MIOS: variants seen among roughly 807,000 people sequenced by gnomAD.
MIOS encodes GATOR2 complex protein MIOS.
A neutral mutation model predicts 96.9 loss-of-function variants in MIOS; 52 were observed. The observed-to-expected ratio is 0.54, with a 90% CI of 0.43 to 0.68. The LOEUF is 0.68. MIOS is among the 30% of genes least tolerant of loss of function. The probability of loss-of-function intolerance (pLI) is 0.00; values close to 1 mark genes in which losing one functional copy is unlikely to be tolerated. For missense variants in MIOS, 1,005 were observed against 1,052.8 expected, an observed-to-expected ratio of 0.95 and a Z score of 0.63; for synonymous variants, 397 against 359.5, an observed-to-expected ratio of 1.10 and a Z score of -1.18.
At chr7:7,571,788 T>A (rs1783363727) in intron 3 of MIOS, among the ~76,000 whole-genome samples, 1 of 152,234 alleles carries the variant, frequency 6.6e-6, no homozygotes, top group Admixed American at 6.5e-5. Context: ...TATTCTGCCA[T>A]ACAAGGCTGA....
rs1018441966 is a variant in MIOS, at chr7:7,606,928, T to C, written c.2532-68T>C. 5 of 1,179,856 alleles carry C rather than the reference T, an allele frequency of 4.2e-6. No individual in the cohort carries two copies. In the Admixed American group the frequency reaches 6.3e-5, roughly 15 times the overall value. The allele number at this position is 1,179,856 out of a possible 1,614,324, so 73.1% of individuals were successfully genotyped here. A position where few individuals can be genotyped will look rare whatever the true frequency, so the allele number is the denominator to read the frequency against. ...TAGGGAGACCCTGTCTCTTAAAAAA[T>C]AAATAAATAAATAAATGTATGTCTG... On this transcript the variant is annotated intron_variant, in intron 12 of 12. Coordinates refer to ENST00000340080, the MANE Select transcript of MIOS (RefSeq NM_019005.4).
intron 5 of MIOS, among the ~76,000 whole-genome samples, chr7:7,577,425 A>G (rs1339100866): frequency 6.6e-6 from 1 of 152,168 alleles, no homozygotes; most frequent in Non-Finnish European, 1.5e-5. Flanking sequence ...TTTTGAAGGA[A>G]TTTGACTATA....
rs566837580 is a variant in MIOS, at chr7:7,591,579, C to T, written c.2043+2016C>T. On this transcript the variant is annotated intron_variant, in intron 9 of 12. Transcript: ENST00000340080. ...ACAGGCATGAGCCACCACGCCCAGC[C>T]TAAATTCTGATTTTTAATGTTTAAG... Among the ~76,000 whole-genome samples, 8 of 152,124 alleles carry T rather than the reference C, an allele frequency of 5.3e-5. No homozygotes were observed. In the South Asian group the frequency reaches 1.7e-3, roughly 32 times the overall value.
At chr7:7,600,411 C>T (rs534745282) in intron 11 of MIOS, among the ~76,000 whole-genome samples, 3 of 151,924 alleles carry the variant, frequency 2.0e-5, no homozygotes, top group South Asian at 2.1e-4. Context: ...AAAAGGCAGG[C>T]GTTGCAATCC....
Position 7,572,777 on chromosome 7 carries a change from A to G in MIOS, c.302A>G (p.Lys101Arg), listed in dbSNP as rs759284330. 28 of 1,614,014 alleles carry G rather than the reference A, an allele frequency of 1.7e-5. No homozygotes were observed. Among genetic ancestry groups the G allele is most frequent in the African/African-American group, 4.0e-5 (3 of 74,928 alleles). The change falls in exon 4 of 13, where the codon AAA becomes AGA. Residue 101 changes from lysine (K) to arginine (R), a missense_variant. Lys to Arg is a conservative substitution (Grantham distance 26, BLOSUM62 2). Around this residue, in one of 3 missense-constraint regions of MIOS, gnomAD observed 137 missense variants for 148.6 expected, o/e 0.92. Transcript: ENST00000340080. This position sits in a 1 kb window ranked among gnomAD's most constrained non-coding sequence, Gnocchi z 4.8. ...SLGQDHNSKF[K>R]DLIGKEFVPK... ...GGTCAAGATCATAACTCAAAGTTCA[A>G]AGATTTGATAGGAAAAGAGTTTGTT...
intron 9 of MIOS, among the ~76,000 whole-genome samples, chr7:7,591,530 C>G (rs550601877): frequency 7.0e-4 from 106 of 152,020 alleles, no homozygotes; most frequent in African/African-American, 2.5e-3. Context: ...TCTGCCCGCC[C>G]CGGCCTCCGA....
chr7:7,605,740 T>G, intron 11 of MIOS: 1 of 452,268 alleles, frequency 2.2e-6, no homozygotes. Context: ...TTTTTTTCCA[T>G]TTTTATATTG....
At chr7:7,579,969 A>G (rs985706584) in intron 5 of MIOS, among the ~76,000 whole-genome samples, 1 of 152,064 alleles carries the variant, frequency 6.6e-6, no homozygotes, top group Non-Finnish European at 1.5e-5. Context: ...TAAAATAAAA[A>G]CTCTTTGAGA....
Position 7,605,998 on chromosome 7 carries a change from T to C in MIOS, c.2458T>C (p.Phe820Leu). The change falls in exon 12 of 13, where the codon TTT becomes CTT. Residue 820 changes from phenylalanine to leucine, a missense_variant. By Grantham distance (22) the Phe-to-Leu change is conservative. Around this residue, in one of 3 missense-constraint regions of MIOS, gnomAD observed 865 missense variants for 887.9 expected, o/e 0.97. Coordinates refer to ENST00000340080, the MANE Select transcript of MIOS (RefSeq NM_019005.4). ...DLSKDKKLAQ[F>L]NNWFTWCHNC... ...GAGCAAGGACAAAAAATTAGCCCAA[T>C]TTAACAACTGGTTTACATGGTGTCA... 6.2e-7 allele frequency: 1 copy of C among 1,613,982 alleles called. No homozygotes were observed. The highest frequency in any genetic ancestry group is 8.5e-7 in the Non-Finnish European group (1 of 1,179,894).
At chr7:7,599,395 A>G (rs984652723) in intron 11 of MIOS, among the ~76,000 whole-genome samples, 1 of 152,208 alleles carries the variant, frequency 6.6e-6, no homozygotes, top group Non-Finnish European at 1.5e-5. Flanking sequence ...TAAACCCCCA[A>G]CATGAATTAG....
Position 7,589,560 on chromosome 7 carries a change from A to G in MIOS, c.2040A>G (p.Leu680=), listed in dbSNP as rs1312921197. ...TTCAAACAGCAAGTTACTGTATGTT[A>G]CAGGTCAGTGCAGTTTGACAGCAGC... ...GDVQTASYCM[L]QGSPLDVLKD... The change falls in exon 9 of 13, where the codon TTA becomes TTG. Residue 680 remains leucine (L), a synonymous_variant. Transcript: ENST00000340080. 6.2e-7 allele frequency: 1 copy of G among 1,607,152 alleles called. No homozygotes were observed. Among genetic ancestry groups the G allele is most frequent in the South Asian group, 1.1e-5 (1 of 89,710 alleles).
In MIOS at chr7:7,574,148, G is replaced by T; in HGVS notation, c.1345G>T (p.Gly449Ter). ...DMDQKSPGNK[G>*]SLVYAGIKSI... ...GGATCAGAAATCTCCAGGCAACAAA[G>T]GATCATTGGTTTATGCAGGAATTAA... Residue 449 changes from glycine to a stop codon, truncating the protein, a stop_gained, in exon 5 of 13, where the codon GGA (glycine) becomes TGA (stop). Transcript: ENST00000340080. LOFTEE classifies it high-confidence loss of function. The T allele has an allele frequency of 6.2e-7, 1 of 1,610,658 alleles. No individual in the cohort carries two copies. The highest frequency in any genetic ancestry group is 8.5e-7 in the Non-Finnish European group (1 of 1,178,222).
At chr7:7,590,145 A>T (rs1454969178) in intron 9 of MIOS, among the ~76,000 whole-genome samples, 1 of 152,164 alleles carries the variant, frequency 6.6e-6, no homozygotes, top group African/African-American at 2.4e-5. Context: ...AGTTGATCTT[A>T]TCCTTACATG....
At chr7:7,605,774 T>C (rs1053743255) in intron 11 of MIOS, 168 bp from the exon 12 acceptor site, 1 of 544,110 alleles carries the variant, frequency 1.8e-6, no homozygotes, top group African/African-American at 1.9e-5. Context: ...TAGGGGAGCT[T>C]CTGTCATTCA....
At chr7:7,586,158 G>GTGTA (rs1012183759) in intron 7 of MIOS, among the ~76,000 whole-genome samples, 10 of 454 alleles carry the variant, frequency 0.022, no homozygotes, top group African/African-American at 0.044. Flanking sequence ...ACATGCACGT[G>GTGTA]TGTGTGTGTG....
Position 7,607,320 on chromosome 7 carries a change from G to T in MIOS, c.*228G>T. 2.9e-6 allele frequency: 1 copy of T among 346,698 alleles called. No homozygotes were observed. 21.5% of individuals were successfully genotyped at this position (346,698 alleles called of 1,614,324 possible). ...GTATAGACATGAGTTCTGTTCAGCA[G>T]GTTGAAAAGTCTGATTTAGAAAAAC... is the stretch of plus-strand genomic sequence containing the variant. On this transcript the variant is annotated 3_prime_UTR_variant, in exon 13 of 13. Coordinates refer to ENST00000340080, the MANE Select transcript of MIOS (RefSeq NM_019005.4).
Position 7,573,007 on chromosome 7 carries a change from C to T in MIOS, c.532C>T (p.Leu178Phe). 1 of 1,614,072 alleles carries T rather than the reference C, an allele frequency of 6.2e-7. No homozygotes were observed. The highest frequency in any genetic ancestry group is 1.1e-5 in the South Asian group (1 of 91,066). The change falls in exon 4 of 13, where the codon CTT (leucine) becomes TTT (phenylalanine). Residue 178 changes from leucine to phenylalanine, a missense_variant. Around this residue, in one of 3 missense-constraint regions of MIOS, gnomAD observed 865 missense variants for 887.9 expected, o/e 0.97. Coordinates refer to ENST00000340080, the MANE Select transcript of MIOS (RefSeq NM_019005.4). This position sits in a 1 kb window ranked among gnomAD's most constrained non-coding sequence, Gnocchi z 5.0. The stretch of plus-strand genomic sequence containing the variant: ...AACAACATTATTAGTAACAAAACCA[C>T]TTTATGAGTTAGGACAGAATGATGC... ...TETTLLVTKP[L>F]YELGQNDACL... is the part of the protein sequence containing the mutation.
chr7:7,573,781 A>G lies in MIOS; in HGVS notation c.1294+12A>G. The G allele has an allele frequency of 4.5e-6, 7 of 1,550,782 alleles. No individual in the cohort carries two copies. Among genetic ancestry groups the G allele is most frequent in the Non-Finnish European group, 5.2e-6 (6 of 1,151,226 alleles). ...GTATACTCTGCACTATATCCTTTTCATTGTGAATTTTGTGAGGTGAATCAG... is the reference window on the plus strand; with the variant it reads ...GTATACTCTGCACTATATCCTTTTCGTTGTGAATTTTGTGAGGTGAATCAG... On this transcript the variant is annotated intron_variant, in intron 4 of 12. Coordinates refer to ENST00000340080, the MANE Select transcript of MIOS (RefSeq NM_019005.4). The surrounding 1 kb of genome is among the most constrained non-coding windows in gnomAD (Gnocchi z 5.0).
chr7:7,595,335 G>A (rs1359100444), intron 10 of MIOS, among the ~76,000 whole-genome samples: 1 of 152,164 alleles, frequency 6.6e-6, no homozygotes, highest in East Asian at 1.9e-4. Flanking sequence ...TTTAGTCGCA[G>A]ATAGAACAAA....
Sources: allele counts gnomAD v4.1 joint callset (sites outside exome capture counted in the v4.1 genomes callset), GRCh38; gene constraint gnomAD v4.1.1; regional missense constraint gnomAD v4.1.1; non-coding constraint Gnocchi (gnomAD v3.1); transcripts MANE v1.5; gene names NCBI Gene and HGNC (gene_info 2026-07-23, HGNC 2026-07-21).